EDARADD: variants seen among roughly 807,000 people sequenced by gnomAD.
EDARADD encodes ectodysplasin-A receptor-associated adapter protein.
EDARADD carries 20 observed loss-of-function variants against 25.6 expected under a neutral mutation model. The ratio of observed to expected loss-of-function variants is 0.78; its 90% confidence interval spans 0.55 to 1.14. The LOEUF (loss-of-function observed/expected upper bound fraction) is 1.14, where lower values mean the gene tolerates loss of function less well. EDARADD is among the 50% of genes most tolerant of loss of function. EDARADD has a pLI of 0.00. For missense variants in EDARADD, 225 were observed against 270.1 expected (o/e 0.83, Z 1.17); for synonymous variants, 86 against 94.4 (o/e 0.91, Z 0.52).
chr1:236,437,676 C>A (rs559361149), intron 4 of EDARADD, among the ~76,000 whole-genome samples: 81 of 151,748 alleles, frequency 5.3e-4, no homozygotes, highest in African/African-American at 1.7e-3. Context: ...CTTAAACTTA[C>A]CATCATCTCA....
In EDARADD at chr1:236,394,367, C is replaced by G; in HGVS notation, c.-78C>G. 1 of 1,493,976 alleles carries G rather than the reference C, an allele frequency of 6.7e-7. No individual in the cohort carries two copies. Among genetic ancestry groups the G allele is most frequent in the South Asian group, 1.1e-5 (1 of 88,474 alleles). 92.5% of individuals were successfully genotyped at this position (1,493,976 alleles called of 1,614,324 possible). A position where few individuals can be genotyped will look rare whatever the true frequency, so the allele number is the denominator to read the frequency against. On this transcript the variant is annotated 5_prime_UTR_variant, in exon 1 of 6. Coordinates refer to ENST00000334232, the MANE Select transcript of EDARADD (RefSeq NM_145861.4). ...GAAGGTTTGACTCTGGCCAGACAACCAGCGAGCATCTTCTCGCAATCTGTT... is the reference window on the plus strand; with the variant it reads ...GAAGGTTTGACTCTGGCCAGACAACGAGCGAGCATCTTCTCGCAATCTGTT...
At chr1:236,390,178 G>T (rs1007636614), upstream of EDARADD, among the ~76,000 whole-genome samples, 1 of 152,118 alleles carries the variant, frequency 6.6e-6, no homozygotes, top group African/African-American at 2.4e-5. Context: ...GTGGGAGGGG[G>T]CAAGGGATAA....
At chr1:236,428,653 G>C (rs1211957797) in intron 4 of EDARADD, among the ~76,000 whole-genome samples, 2 of 136,494 alleles carry the variant, frequency 1.5e-5, no homozygotes, top group Non-Finnish European at 3.3e-5. Flanking sequence ...TTCCTAGACG[G>C]GATGGCGGCC....
At chr1:236,405,874 C>CTTCCTTCT (rs56931070) in intron 1 of EDARADD, among the ~76,000 whole-genome samples, 55 of 30,878 alleles carry the variant, frequency 1.8e-3, no homozygotes, top group East Asian at 0.014. Flanking sequence ...TCCTTCCTTC[C>CTTCCTTCT]TTCTTTCTTT....
chr1:236,479,254 G>A (rs889478282), intron 5 of EDARADD, among the ~76,000 whole-genome samples: 3 of 152,048 alleles, frequency 2.0e-5, no homozygotes, highest in African/African-American at 7.2e-5. Flanking sequence ...CCAGCAATTC[G>A]AGAGGCTGAG....
intron 3 of EDARADD, among the ~76,000 whole-genome samples, chr1:236,381,172 G>A (rs1667291718): frequency 6.6e-6 from 1 of 152,006 alleles, no homozygotes; most frequent in Non-Finnish European, 1.5e-5. Context: ...CATACAATAC[G>A]CATGCTTTTG....
rs778980961 is a variant in EDARADD at position 236,409,298 on chromosome 1, T to C, written c.120+24T>C. On this transcript the variant is annotated intron_variant, in intron 2 of 5. Transcript: ENST00000334232. ...TGGTAGGTGACAAATTTTACACTAA[T>C]GGTGATAATTATTGTTTTGCTTTTT... 36 of 1,572,550 alleles carry C rather than the reference T, an allele frequency of 2.3e-5. No homozygotes were observed. The Admixed American group carries it at 6.0e-4, about 26-fold the overall frequency.
chr1:236,471,628 CT>C (rs1266674481), intron 5 of EDARADD, among the ~76,000 whole-genome samples: 48 of 152,248 alleles, frequency 3.2e-4, no homozygotes, highest in Non-Finnish European at 4.7e-4. Flanking sequence ...TAATACTTAG[CT>C]ATCTCGGAAG....
chr1:236,445,352 C>T (rs777566014), intron 4 of EDARADD, among the ~76,000 whole-genome samples: 13 of 150,256 alleles, frequency 8.7e-5, no homozygotes, highest in East Asian at 5.9e-4. Context: ...CTCAGCCTCC[C>T]GAGTAGCTGG....
At chr1:236,403,992 G>C (rs1374941013) in intron 1 of EDARADD, among the ~76,000 whole-genome samples, 1 of 152,194 alleles carries the variant, frequency 6.6e-6, no homozygotes, top group Non-Finnish European at 1.5e-5. Context: ...CGACCTGGGG[G>C]AGCCCAGGCA....
Position 236,360,537 on chromosome 1 carries a change from GTTT to G in EDARADD, c.-6+9722_-6+9724del, listed in dbSNP as rs869053977. Among the ~76,000 whole-genome samples, 97 of 131,274 alleles carry G rather than the reference GTTT, an allele frequency of 7.4e-4. 4 individuals carry two copies. In the South Asian group the frequency reaches 8.1e-3, roughly 11 times the overall value. 86.1% of individuals were successfully genotyped at this position (131,274 alleles called of 152,430 possible). ...CAGGACAGAGGGATTTTAATTCACGGTTTTTTTTTTTTTTTTTTTTTTTTTTGA... is the reference window on the plus strand; with the variant it reads ...CAGGACAGAGGGATTTTAATTCACGGTTTTTTTTTTTTTTTTTTTTTTTGA... On this transcript the variant is annotated intron_variant, in intron 3 of 7. Coordinates refer to the EDARADD transcript ENST00000439430.
intron 4 of EDARADD, among the ~76,000 whole-genome samples, chr1:236,444,247 TTTA>T (rs969778374): frequency 7.9e-5 from 12 of 152,168 alleles, no homozygotes; most frequent in South Asian, 2.1e-4. Context: ...TTAACTATGT[TTTA>T]TTATTATTAT....
At chr1:236,464,406 C>A (rs923566088) in intron 4 of EDARADD, among the ~76,000 whole-genome samples, 18 of 142,868 alleles carry the variant, frequency 1.3e-4, no homozygotes, top group Non-Finnish European at 2.0e-4. Context: ...AGCCACCATG[C>A]GTGGTCCTTG....
chr1:236,428,954 C>T (rs1396190182), intron 4 of EDARADD, among the ~76,000 whole-genome samples: 1 of 152,114 alleles, frequency 6.6e-6, no homozygotes, highest in Non-Finnish European at 1.5e-5. Context: ...GCCAACAGGG[C>T]GAAACCCCGT....
chr1:236,388,924 G>A (rs1396001780), intron 3 of EDARADD, among the ~76,000 whole-genome samples: 4 of 152,172 alleles, frequency 2.6e-5, no homozygotes, highest in Non-Finnish European at 2.9e-5. Context: ...GATACTGAAC[G>A]CTAGCTATGG....
intron 2 of EDARADD, 116 bp downstream of exon 2, chr1:236,409,390 G>A (rs1036978764): frequency 6.3e-6 from 5 of 788,600 alleles, no homozygotes; most frequent in Non-Finnish European, 1.1e-5. Context: ...CCCAAAGTAA[G>A]ATTTTTCTAA....
At position 236,484,706 on chromosome 1, in the gene EDARADD, CAG is replaced by C. The variant is rs148246290; in HGVS notation, c.*2059_*2060del. On this transcript the variant is annotated 3_prime_UTR_variant, in exon 6 of 6. Transcript: ENST00000334232. This position sits in a 1 kb window ranked among gnomAD's most constrained non-coding sequence, Gnocchi z 4.1. The stretch of plus-strand genomic sequence containing the variant: ...CTGGAGACAGAGTGAGAGTCCGTCC[CAG>C]AAAAAAAAAAAAAAAAAAAGAACTT... 46 of 204,034 alleles carry C rather than the reference CAG, an allele frequency of 2.3e-4. No individual in the cohort carries two copies. Among genetic ancestry groups the C allele is most frequent in the South Asian group, 7.8e-4 (7 of 8,980 alleles). 12.6% of individuals were successfully genotyped at this position (204,034 alleles called of 1,614,324 possible).
chr1:236,397,853 A>C (rs1667545103), intron 1 of EDARADD, among the ~76,000 whole-genome samples: 1 of 151,864 alleles, frequency 6.6e-6, no homozygotes, highest in Admixed American at 6.6e-5. Flanking sequence ...GCACACACAC[A>C]CCCCAATTTC....
chr1:236,448,717 A>T lies in EDARADD; in HGVS notation c.220-19514A>T, dbSNP rs10495378. On this transcript the variant is annotated intron_variant, in intron 4 of 5. Transcript: ENST00000334232. ...CCCTGCTATGCAAATTTCTTAGGCC[A>T]AGGAACGCACATTGGGAAATGCCGT... Among the ~76,000 whole-genome samples, 1,083 of 152,254 alleles carry T rather than the reference A, an allele frequency of 7.1e-3. 17 individuals are homozygous for T. Among genetic ancestry groups the T allele is most frequent in the African/African-American group, 0.025 (1,047 of 41,522 alleles).
Sources: gnomAD v4.1 joint callset for allele counts (sites outside exome capture counted in the v4.1 genomes callset) on GRCh38, gnomAD v4.1.1 for gene constraint, Gnocchi (gnomAD v3.1) non-coding constraint, MANE v1.5 for transcripts, NCBI Gene and HGNC (gene_info 2026-07-23, HGNC 2026-07-21) for gene names.